GALNTL6: variants seen among roughly 807,000 people sequenced by gnomAD.
The protein encoded by GALNTL6 is polypeptide N-acetylgalactosaminyltransferase like 6.
A neutral mutation model predicts 73.7 loss-of-function variants in GALNTL6; 46 were observed. The ratio of observed to expected loss-of-function variants is 0.62; its 90% CI spans 0.49 to 0.80. The LOEUF is 0.80. Ranked by LOEUF, GALNTL6 falls within the 30% of genes least tolerant of loss-of-function variation. The pLI is 0.00. For synonymous variants in GALNTL6, 259 were observed against 263.7 expected, an observed-to-expected ratio of 0.98 and a Z score of 0.17; for missense variants, 604 against 755.0, an observed-to-expected ratio of 0.80 and a Z score of 2.34.
intron 2 of GALNTL6, among the ~76,000 whole-genome samples, chr4:171,939,120 C>G (rs1317017837): frequency 2.6e-5 from 4 of 151,258 alleles, no homozygotes; most frequent in Admixed American, 2.0e-4. Context: ...AATCTAATTC[C>G]AATAATTTCA....
rs1303421960 is a variant in GALNTL6 at position 172,931,176 on chromosome 4, G to A, written c.1057G>A (p.Gly353Arg). The change falls in exon 9 of 13, where the codon GGA becomes AGA. Residue 353 changes from glycine to arginine, a missense_variant. Around this residue, in one of 5 missense-constraint regions of GALNTL6, gnomAD observed 14 missense variants for 40.8 expected, o/e 0.34. Transcript: ENST00000506823. Reference sequence around the variant, plus strand: ...CCCTCTTCAGGTTTGGATGTGTGGAGGAGAAATGTTTGATGTTCCATGTTC... The same window carrying A: ...CCCTCTTCAGGTTTGGATGTGTGGAAGAGAAATGTTTGATGTTCCATGTTC... Reference protein sequence around the residue: ...EISFKVWMCGGEMFDVPCSRV... With the variant: ...EISFKVWMCGREMFDVPCSRV... 6.2e-7 allele frequency: 1 copy of A among 1,600,864 alleles called. No individual in the cohort carries two copies. Among genetic ancestry groups the A allele is most frequent in the Non-Finnish European group, 8.6e-7 (1 of 1,168,054 alleles).
chr4:172,939,323 T>C (rs1368376742), intron 9 of GALNTL6, among the ~76,000 whole-genome samples: 2 of 152,086 alleles, frequency 1.3e-5, no homozygotes, highest in African/African-American at 2.4e-5. Context: ...ACATAAAATA[T>C]AACACCCTCT....
intron 2 of GALNTL6, among the ~76,000 whole-genome samples, chr4:172,206,775 G>GTTTTTTTTTTTTTTT (rs1214874685): frequency 1.3e-5 from 1 of 79,718 alleles, no homozygotes; most frequent in South Asian, 7.5e-4. Context: ...GATGAAACGT[G>GTTTTTTTTTTTTTTT]TTTTTTGTTT....
intron 2 of GALNTL6, among the ~76,000 whole-genome samples, chr4:171,908,445 A>T (rs1737367490): frequency 6.6e-6 from 1 of 152,168 alleles, no homozygotes; most frequent in East Asian, 1.9e-4. Flanking sequence ...AACCACAGTG[A>T]GATACCATCT....
chr4:172,887,650 G>A (rs755774707), intron 8 of GALNTL6, among the ~76,000 whole-genome samples: 8 of 151,714 alleles, frequency 5.3e-5, no homozygotes, highest in African/African-American at 1.7e-4. Flanking sequence ...TGCAATCTCC[G>A]CCTCCTAGGT....
rs568943230 is a variant in GALNTL6, at chr4:172,990,924, T to C, written c.1372-18254T>C. Among the ~76,000 whole-genome samples, 86 of 152,340 alleles carry C rather than the reference T, an allele frequency of 5.6e-4. 1 individual carries two copies. The South Asian group carries it at 0.017, about 30-fold the overall frequency. On this transcript the variant is annotated intron_variant, in intron 10 of 12. Transcript: ENST00000506823. ...TTAAAAACCATTTTATATTTGAAAA[T>C]GCTTTCTGTATGATTTTAATATACC... is the stretch of plus-strand genomic sequence containing the variant.
intron 5 of GALNTL6, among the ~76,000 whole-genome samples, chr4:172,437,070 G>A (rs1488545796): frequency 6.6e-6 from 1 of 152,024 alleles, no homozygotes; most frequent in African/African-American, 2.4e-5. Flanking sequence ...TCAAGATGTA[G>A]AGCAGTTCAG....
At chr4:172,964,923 G>T (rs1274803304) in intron 10 of GALNTL6, among the ~76,000 whole-genome samples, 1 of 152,166 alleles carries the variant, frequency 6.6e-6, no homozygotes, top group Non-Finnish European at 1.5e-5. Flanking sequence ...GAATTCCCCT[G>T]CAATCTAGTC....
At chr4:172,850,031 T>G (rs1195099614) in intron 7 of GALNTL6, among the ~76,000 whole-genome samples, 1 of 152,184 alleles carries the variant, frequency 6.6e-6, no homozygotes, top group Non-Finnish European at 1.5e-5. Flanking sequence ...AAACCATGGA[T>G]TAATCTTACT....
intron 5 of GALNTL6, among the ~76,000 whole-genome samples, chr4:172,673,670 A>G (rs1377779135): frequency 2.0e-5 from 3 of 152,180 alleles, no homozygotes; most frequent in Non-Finnish European, 2.9e-5. Flanking sequence ...TTGGATGCAT[A>G]TATATTTATG....
intron 5 of GALNTL6, among the ~76,000 whole-genome samples, chr4:172,449,609 T>C (rs1314761814): frequency 2.6e-5 from 4 of 152,250 alleles, no homozygotes; most frequent in Non-Finnish European, 1.5e-5. Context: ...TCCAGTCTTT[T>C]GATTTTCTGT....
At chr4:172,893,265 G>A (rs1260341753) in intron 8 of GALNTL6, among the ~76,000 whole-genome samples, 1 of 151,808 alleles carries the variant, frequency 6.6e-6, no homozygotes, top group Non-Finnish European at 1.5e-5. Flanking sequence ...TCCCAAAACA[G>A]TGTTGTTGAG....
At position 171,890,582 on chromosome 4, in the gene GALNTL6, T is replaced by C. The variant is rs560984402; in HGVS notation, c.138+75864T>C. ...GCCATATAATAACCTGATGGCAATA[T>C]TAAAATAAATTCTAATGAAGATCTT... On this transcript the variant is annotated intron_variant, in intron 2 of 12. Transcript: ENST00000506823. Among the ~76,000 whole-genome samples the C allele has an allele frequency of 2.0e-5, 3 of 152,276 alleles. No individual in the cohort carries two copies. In the East Asian group the frequency reaches 5.8e-4, roughly 29 times the overall value.
At chr4:172,650,512 A>C (rs1016422534) in intron 5 of GALNTL6, among the ~76,000 whole-genome samples, 6 of 152,220 alleles carry the variant, frequency 3.9e-5, no homozygotes, top group African/African-American at 1.4e-4. Flanking sequence ...AAAGGCCATT[A>C]CATCTATTTA....
chr4:172,435,711 A>C (rs979919329), intron 5 of GALNTL6, among the ~76,000 whole-genome samples: 1 of 152,176 alleles, frequency 6.6e-6, no homozygotes, highest in Non-Finnish European at 1.5e-5. Flanking sequence ...TATATTAGTT[A>C]TTGTACATGG....
At chr4:172,444,047 C>T (rs1030039703) in intron 5 of GALNTL6, among the ~76,000 whole-genome samples, 1 of 152,058 alleles carries the variant, frequency 6.6e-6, no homozygotes, top group Non-Finnish European at 1.5e-5. Flanking sequence ...AGGCAAGAGC[C>T]AGTAAGAGAC....
At chr4:173,010,486 G>A (rs1752497530) in intron 11 of GALNTL6, among the ~76,000 whole-genome samples, 2 of 152,160 alleles carry the variant, frequency 1.3e-5, no homozygotes, top group Admixed American at 1.3e-4. Context: ...GAGTGCAGGT[G>A]TCTCCTCGAT....
At chr4:172,775,024 G>A (rs1452148919) in intron 5 of GALNTL6, among the ~76,000 whole-genome samples, 1 of 150,630 alleles carries the variant, frequency 6.6e-6, no homozygotes, top group East Asian at 1.9e-4. Flanking sequence ...ATAAGGACTT[G>A]GGGACATAAT....
intron 8 of GALNTL6, among the ~76,000 whole-genome samples, chr4:172,922,364 CAT>C (rs545186757): frequency 1.6e-4 from 25 of 152,012 alleles, no homozygotes; most frequent in Non-Finnish European, 3.7e-4. Flanking sequence ...AAATATAATC[CAT>C]ATCTTTCAGA....
Sources: gnomAD v4.1 joint callset for allele counts (sites outside exome capture counted in the v4.1 genomes callset) on GRCh38, gnomAD v4.1.1 for gene constraint, gnomAD v4.1.1 regional missense constraint, MANE v1.5 for transcripts, NCBI Gene and HGNC (gene_info 2026-07-23, HGNC 2026-07-21) for gene names.